PPP2R2B: variants seen among roughly 807,000 people sequenced by gnomAD.
The protein encoded by PPP2R2B is protein phosphatase 2 regulatory subunit Bbeta.
A neutral mutation model predicts 46.0 loss-of-function variants in PPP2R2B; 5 were observed. The ratio of observed to expected loss-of-function variants is 0.11; its 90% CI spans 0.06 to 0.23. PPP2R2B has a LOEUF of 0.23. Ranked by LOEUF, PPP2R2B falls within the 10% of genes least tolerant of loss-of-function variation. The pLI is 1.00. For missense variants in PPP2R2B, 367 were observed against 575.0 expected, an observed-to-expected ratio of 0.64 and a Z score of 3.70; for synonymous variants, 215 against 206.7, an observed-to-expected ratio of 1.04 and a Z score of -0.34.
At chr5:147,077,514 C>A (rs75392963) in intron 2 of PPP2R2B, among the ~76,000 whole-genome samples, 5 of 151,966 alleles carry the variant, frequency 3.3e-5, no homozygotes, top group Non-Finnish European at 7.4e-5. Flanking sequence ...TGACTTTGAG[C>A]GTATAGAAAA....
chr5:146,888,417 C>T (rs772115245), intron 1 of PPP2R2B, among the ~76,000 whole-genome samples: 4 of 152,124 alleles, frequency 2.6e-5, no homozygotes, highest in Non-Finnish European at 4.4e-5. Flanking sequence ...CCACTACTCA[C>T]CATCTCCACT....
At chr5:146,694,305 G>A (rs1478304285) in intron 4 of PPP2R2B, among the ~76,000 whole-genome samples, 1 of 152,130 alleles carries the variant, frequency 6.6e-6, no homozygotes, top group Non-Finnish European at 1.5e-5. Flanking sequence ...GCTGCATACC[G>A]AACTGCTTTT....
chr5:147,080,635 C>T (rs912424998), intron 2 of PPP2R2B, among the ~76,000 whole-genome samples: 7 of 152,182 alleles, frequency 4.6e-5, no homozygotes, highest in East Asian at 1.9e-4. Flanking sequence ...TCAATGTTCT[C>T]GTAAGTCATA....
chr5:147,057,322 G>A (rs565933050), upstream of PPP2R2B, among the ~76,000 whole-genome samples: 4 of 152,320 alleles, frequency 2.6e-5, no homozygotes, highest in Admixed American at 6.5e-5. Flanking sequence ...TAAGTAAGGT[G>A]CTGTTTAAAC....
intron 5 of PPP2R2B, among the ~76,000 whole-genome samples, chr5:146,660,302 C>A (rs1776595921): frequency 6.6e-6 from 1 of 152,104 alleles, no homozygotes; most frequent in South Asian, 2.1e-4. Context: ...AGTCATTTTT[C>A]ATTTTAAAAA....
At position 146,586,628 on chromosome 5, in the gene PPP2R2B, C is replaced by T. The variant is rs1423522404; in HGVS notation, c.*3319G>A. On this transcript the variant is annotated 3_prime_UTR_variant, in exon 10 of 10. Coordinates refer to ENST00000394411, the MANE Select transcript of PPP2R2B (RefSeq NM_181675.4). ...GAATTTTAGCTTCATCTTTATTCCA[C>T]CTTGCAATTGTTCCATCTTATATAT... is the stretch of plus-strand genomic sequence containing the variant. The T allele has an allele frequency of 1.3e-5, 2 of 152,146 alleles. No homozygotes were observed. Among genetic ancestry groups the T allele is most frequent in the East Asian group, 3.9e-4 (2 of 5,190 alleles). The allele number at this position is 152,146 out of a possible 1,614,324, so 9.4% of individuals were successfully genotyped here.
chr5:146,926,495 C>T (rs1036529215), intron 1 of PPP2R2B, among the ~76,000 whole-genome samples: 2 of 151,980 alleles, frequency 1.3e-5, no homozygotes, highest in African/African-American at 4.8e-5. Context: ...GGGTTTATGC[C>T]ATTCTCCTGC....
At chr5:146,617,695 TC>T (rs1419793571) in intron 7 of PPP2R2B, among the ~76,000 whole-genome samples, 337 of 147,290 alleles carry the variant, frequency 2.3e-3, no homozygotes, top group African/African-American at 8.4e-3. Flanking sequence ...TCTCTCTCTC[TC>T]TCTTTTTTTT....
At chr5:146,889,609 T>C (rs938333851) in intron 1 of PPP2R2B, among the ~76,000 whole-genome samples, 3 of 152,196 alleles carry the variant, frequency 2.0e-5, no homozygotes, top group East Asian at 1.9e-4. Flanking sequence ...AACGTTGCAA[T>C]TGGAACTCTC....
chr5:146,810,202 C>T (rs931719117), intron 2 of PPP2R2B, among the ~76,000 whole-genome samples: 1 of 152,120 alleles, frequency 6.6e-6, no homozygotes, highest in Admixed American at 6.5e-5. Flanking sequence ...AAAGATATAC[C>T]TGAGACTGGG....
chr5:147,018,008 G>A (rs1755085742), intron 1 of PPP2R2B, among the ~76,000 whole-genome samples: 1 of 149,918 alleles, frequency 6.7e-6, no homozygotes, highest in African/African-American at 2.5e-5. Context: ...AGGCCCAGAT[G>A]AATTATAGTC....
At chr5:146,737,796 C>T (rs1251123298) in intron 2 of PPP2R2B, among the ~76,000 whole-genome samples, 2 of 149,294 alleles carry the variant, frequency 1.3e-5, no homozygotes, top group African/African-American at 4.9e-5. Context: ...TGTTGGAGGC[C>T]AGGTGTGGTG....
chr5:146,706,762 C>T (rs575567113), intron 2 of PPP2R2B: 3 of 806,680 alleles, frequency 3.7e-6, no homozygotes, highest in Admixed American at 1.7e-5. Context: ...GCTCCTCATA[C>T]TTGATCTGAT....
intron 2 of PPP2R2B, among the ~76,000 whole-genome samples, chr5:147,073,105 C>T (rs962468663): frequency 1.3e-5 from 2 of 152,194 alleles, no homozygotes; most frequent in South Asian, 4.2e-4. Context: ...GCCTCATCGT[C>T]CAGCCCAGTG....
intron 5 of PPP2R2B, among the ~76,000 whole-genome samples, chr5:146,680,416 G>T (rs1409366252): frequency 6.6e-6 from 1 of 150,730 alleles, no homozygotes; most frequent in Non-Finnish European, 1.5e-5. Context: ...GGGGAGGGAG[G>T]GATAGCATTG....
At chr5:146,607,750 G>C (rs1772428542) in intron 7 of PPP2R2B, 1 of 152,172 alleles carries the variant, frequency 6.6e-6, no homozygotes, top group Admixed American at 6.5e-5. Context: ...AAATGGGCTG[G>C]TATGACCAAG....
At chr5:146,754,960 T>C (rs1171128173) in intron 2 of PPP2R2B, among the ~76,000 whole-genome samples, 1 of 152,184 alleles carries the variant, frequency 6.6e-6, no homozygotes, top group Non-Finnish European at 1.5e-5. Flanking sequence ...GCCCTTGGAT[T>C]GCTCACTCTC....
intron 7 of PPP2R2B, among the ~76,000 whole-genome samples, chr5:146,609,277 C>G (rs1772608136): frequency 6.6e-6 from 1 of 152,190 alleles, no homozygotes; most frequent in Non-Finnish European, 1.5e-5. Flanking sequence ...AAAGCCTTTC[C>G]TTTAAGATTT....
chr5:146,885,617 G>A (rs370819940), intron 1 of PPP2R2B, among the ~76,000 whole-genome samples: 113 of 152,272 alleles, frequency 7.4e-4, no homozygotes, highest in African/African-American at 2.6e-3. Flanking sequence ...TCACTTCTAT[G>A]TATATATTGA....
Sources: gnomAD v4.1 joint callset for allele counts (sites outside exome capture counted in the v4.1 genomes callset) on GRCh38, gnomAD v4.1.1 for gene constraint, MANE v1.5 for transcripts, NCBI Gene and HGNC (gene_info 2026-07-23, HGNC 2026-07-21) for gene names.